The following ASPRV1 variants were observed in gnomAD, a reference collection of about 807,000 sequenced individuals.
ASPRV1 encodes retroviral-like aspartic protease 1.
In ASPRV1, 7 loss-of-function variants were observed where a neutral mutation model predicts 11.0. That is an observed-to-expected ratio of 0.64 (90% CI 0.36 to 1.20). The LOEUF (loss-of-function observed/expected upper bound fraction) is 1.20, where lower values mean the gene tolerates loss of function less well. Among genes scored for constraint, ASPRV1 ranks in the 50% most tolerant of loss-of-function variants. ASPRV1 has a pLI of 0.02. For missense variants in ASPRV1, 299 were observed against 320.0 expected (o/e 0.93, Z 0.50); for synonymous variants, 136 against 138.4 (o/e 0.98, Z 0.12).
At chr2:69,942,038 C>T in the ASPRV1 span, 2 of 152,076 alleles carry the variant, frequency 1.3e-5, no homozygotes, top group East Asian at 3.9e-4. Flanking sequence ...CTGGTCTTTT[C>T]TGTTTCTTCT....
chr2:69,987,762 T>C, the ASPRV1 span, among the ~76,000 whole-genome samples: 3 of 151,822 alleles, frequency 2.0e-5, no homozygotes, highest in African/African-American at 4.8e-5. Flanking sequence ...AATAAATAAA[T>C]AACAAATAAA....
the ASPRV1 span, chr2:70,086,141 G>C: frequency 6.6e-6 from 1 of 152,126 alleles, no homozygotes; most frequent in Non-Finnish European, 1.5e-5. Context: ...CCAGCCTGTG[G>C]GCTTTTTTAA....
the ASPRV1 span, among the ~76,000 whole-genome samples, chr2:69,995,722 G>A: frequency 3.3e-5 from 5 of 152,142 alleles, no homozygotes; most frequent in African/African-American, 1.2e-4. Flanking sequence ...GAGGGCAGGG[G>A]CAATTGTCCC....
chr2:69,996,879 A>G, the ASPRV1 span: 1 of 319,070 alleles, frequency 3.1e-6, no homozygotes, highest in Admixed American at 4.4e-5. Context: ...AGTGTGGAAA[A>G]TTCTGTGACC....
the ASPRV1 span, among the ~76,000 whole-genome samples, chr2:69,978,249 T>C: frequency 2.0e-5 from 3 of 152,064 alleles, no homozygotes; most frequent in Non-Finnish European, 4.4e-5. Context: ...CTCCCAACAC[T>C]CTTTCCACCC....
At position 69,961,619 on chromosome 2, in the gene ASPRV1, C is replaced by T; in HGVS notation, c.-183G>A. The T allele has an allele frequency of 1.9e-6, 3 of 1,607,894 alleles. No homozygotes were observed. The highest frequency in any genetic ancestry group is 2.5e-6 in the Non-Finnish European group (3 of 1,176,538). ...GGCTGGCTGACTGCTGGGGCAGAGG[C>T]AGGCAGTGCTGTGGCCTGTTCACTC... On this transcript the variant is annotated 5_prime_UTR_variant, in exon 1 of 1. Coordinates refer to ENST00000320256, the MANE Select transcript of ASPRV1 (RefSeq NM_152792.4).
the ASPRV1 span, among the ~76,000 whole-genome samples, chr2:69,952,777 T>A: frequency 6.6e-6 from 1 of 152,088 alleles, no homozygotes; most frequent in Admixed American, 6.6e-5. Flanking sequence ...CCCCATCCCC[T>A]ATCCCCTGGA....
At chr2:70,081,674 C>T in the ASPRV1 span, among the ~76,000 whole-genome samples, 1 of 151,968 alleles carries the variant, frequency 6.6e-6, no homozygotes, top group Non-Finnish European at 1.5e-5. Context: ...GCCTCCAACT[C>T]CCGGGCTCAA....
the ASPRV1 span, among the ~76,000 whole-genome samples, chr2:70,044,852 C>G: frequency 1.3e-5 from 2 of 152,146 alleles, no homozygotes; most frequent in Non-Finnish European, 2.9e-5. Context: ...TACACCACAC[C>G]CTCACCTCTG....
the ASPRV1 span, among the ~76,000 whole-genome samples, chr2:69,974,887 T>A: frequency 2.0e-5 from 3 of 152,256 alleles, no homozygotes; most frequent in African/African-American, 7.2e-5. Context: ...AAGGCTAGGC[T>A]GTTCCTGGAG....
the ASPRV1 span, chr2:70,046,095 T>C: frequency 6.6e-6 from 1 of 152,144 alleles, no homozygotes; most frequent in East Asian, 1.9e-4. Flanking sequence ...ATGTCACACC[T>C]CAAATCAACA....
At chr2:69,934,189 C>T in the ASPRV1 span, among the ~76,000 whole-genome samples, 1 of 152,156 alleles carries the variant, frequency 6.6e-6, no homozygotes, top group African/African-American at 2.4e-5. Context: ...TCAGGCAGTA[C>T]AGTGAACTTC....
At chr2:70,040,815 C>T in the ASPRV1 span, among the ~76,000 whole-genome samples, 1 of 152,122 alleles carries the variant, frequency 6.6e-6, no homozygotes. Flanking sequence ...GCCTGGGTGA[C>T]AGAGTGAGAC....
At chr2:70,032,522 G>A in the ASPRV1 span, among the ~76,000 whole-genome samples, 1 of 152,076 alleles carries the variant, frequency 6.6e-6, no homozygotes, top group Non-Finnish European at 1.5e-5. Flanking sequence ...TCTGGCCATG[G>A]TGGTATGCAC....
chr2:70,037,115 T>C, the ASPRV1 span, among the ~76,000 whole-genome samples: 71 of 152,354 alleles, frequency 4.7e-4, no homozygotes, highest in South Asian at 5.2e-3. Context: ...CATTTCCTCT[T>C]GGATGTACCT....
chr2:69,942,916 AAAT>A, the ASPRV1 span: 2 of 152,242 alleles, frequency 1.3e-5, no homozygotes, highest in African/African-American at 4.8e-5. Flanking sequence ...AACTGTTAAC[AAAT>A]AATAAATTAT....
chr2:70,027,869 G>C, the ASPRV1 span, among the ~76,000 whole-genome samples: 1 of 152,070 alleles, frequency 6.6e-6, no homozygotes, highest in Non-Finnish European at 1.5e-5. Flanking sequence ...ACAAGGGTTT[G>C]AGGTGATGGA....
chr2:70,022,929 G>C, the ASPRV1 span, among the ~76,000 whole-genome samples: 4 of 152,006 alleles, frequency 2.6e-5, no homozygotes, highest in Admixed American at 2.6e-4. Context: ...GCTGATACAG[G>C]ACATCCATTT....
upstream of ASPRV1, among the ~76,000 whole-genome samples, chr2:69,965,354 G>A (rs990055281): frequency 6.6e-6 from 1 of 152,100 alleles, no homozygotes; most frequent in Non-Finnish European, 1.5e-5. Flanking sequence ...CTTTAGACCA[G>A]GGGTCCAATT....
Sources: gnomAD v4.1 joint callset for allele counts (sites outside exome capture counted in the v4.1 genomes callset) on GRCh38, gnomAD v4.1.1 for gene constraint, MANE v1.5 for transcripts, NCBI Gene and HGNC (gene_info 2026-07-23, HGNC 2026-07-21) for gene names.